Variants in PLS3 observed in about 807,000 individuals in gnomAD.
PLS3 encodes plastin-3.
In PLS3, 11 loss-of-function variants were observed where a neutral mutation model predicts 46.5. That is an observed-to-expected ratio of 0.24 (90% CI 0.15 to 0.39). The LOEUF is 0.39. Ranked by LOEUF, PLS3 falls within the 10% of genes least tolerant of loss-of-function variation. PLS3 has a pLI of 1.00. For synonymous variants in PLS3, 167 were observed against 162.2 expected (o/e 1.03, Z -0.22); for missense variants, 308 against 461.8 (o/e 0.67, Z 3.05).
chrX:115,605,245 T>C lies in PLS3; in HGVS notation c.-8-4998T>C, dbSNP rs782165405. Among the ~76,000 whole-genome samples, 5 of 112,004 alleles carry C rather than the reference T, an allele frequency of 4.5e-5. No homozygotes were observed. The East Asian group carries it at 1.4e-3, about 31-fold the overall frequency. ...TGCATGTTCCAATTCCTTCTTTTTGTTCTCATTGAAGTGTATCTCTTTAAT... is the reference window on the plus strand; with the variant it reads ...TGCATGTTCCAATTCCTTCTTTTTGCTCTCATTGAAGTGTATCTCTTTAAT... On this transcript the variant is annotated intron_variant, in intron 1 of 15. Coordinates refer to ENST00000355899, the MANE Select transcript of PLS3 (RefSeq NM_005032.7).
chrX:115,591,431 G>A (rs890577451), intron 1 of PLS3, among the ~76,000 whole-genome samples: 45 of 111,853 alleles, frequency 4.0e-4, no homozygotes, highest in African/African-American at 1.5e-3. Flanking sequence ...CTGTTATAAC[G>A]ACCTGTAAAA....
intron 9 of PLS3, 66 bp from the exon 10 acceptor site, chrX:115,643,247 C>A (rs2074916330): frequency 1.5e-6 from 1 of 670,334 alleles, no homozygotes; most frequent in Non-Finnish European, 2.4e-6. Context: ...CAGACTATGA[C>A]AGTGGGGAAA....
rs782387760 is a variant in PLS3, at chrX:115,648,739, T to G, written c.1761-690T>G. On this transcript the variant is annotated intron_variant, in intron 15 of 15. Transcript: ENST00000355899. ...CCTTGAAAAATATTTCTAGCAGATA[T>G]GACAAAGGTCTAATATCCACAATAT... 2.0e-4 allele frequency among the ~76,000 whole-genome samples: 23 copies of G among 112,208 alleles called. No individual in the cohort carries two copies. In the Admixed American group the frequency reaches 2.1e-3, roughly 10 times the overall value.
chrX:115,592,222 T>C (rs2074350355), intron 1 of PLS3, among the ~76,000 whole-genome samples: 1 of 111,902 alleles, frequency 8.9e-6, no homozygotes, highest in Non-Finnish European at 1.9e-5. Context: ...ATGAGGTAGA[T>C]TACAGCAGCA....
intron 7 of PLS3, 136 bp downstream of exon 7, chrX:115,635,182 T>C: frequency 4.1e-6 from 2 of 492,104 alleles, no homozygotes; most frequent in South Asian, 4.2e-5. Context: ...TATAGAGTTA[T>C]TCAGGAAAAT....
At chrX:115,649,147 A>G (rs2074980513) in intron 15 of PLS3, among the ~76,000 whole-genome samples, 1 of 111,803 alleles carries the variant, frequency 8.9e-6, no homozygotes, top group Non-Finnish European at 1.9e-5. Flanking sequence ...AATTATATAT[A>G]TAAAGTTGGT....
chrX:115,609,271 C>A (rs781817845), intron 1 of PLS3, among the ~76,000 whole-genome samples: 1 of 110,693 alleles, frequency 9.0e-6, no homozygotes, highest in Non-Finnish European at 1.9e-5. Flanking sequence ...CCAGGATCAG[C>A]AAAGTTTTTC....
At chrX:115,615,291 T>C (rs188801074) in intron 2 of PLS3, among the ~76,000 whole-genome samples, 2 of 110,903 alleles carry the variant, frequency 1.8e-5, no homozygotes, top group Admixed American at 9.7e-5. Flanking sequence ...GGAAAACATT[T>C]CCTTTTAAGG....
chrX:115,563,082 C>A (rs2074150086), intron 1 of PLS3, among the ~76,000 whole-genome samples: 1 of 111,317 alleles, frequency 9.0e-6, no homozygotes, highest in African/African-American at 3.3e-5. Flanking sequence ...GGGAAGTCAT[C>A]CTATTACTCA....
At chrX:115,626,506 A>T (rs1174663618) in intron 3 of PLS3, among the ~76,000 whole-genome samples, 1 of 109,702 alleles carries the variant, frequency 9.1e-6, no homozygotes, top group Non-Finnish European at 1.9e-5. Context: ...CTGGTCTCGA[A>T]CTCCCGACCT....
At chrX:115,594,853 A>T (rs1331975922) in intron 1 of PLS3, among the ~76,000 whole-genome samples, 2 of 111,205 alleles carry the variant, frequency 1.8e-5, no homozygotes, top group African/African-American at 6.5e-5. Context: ...TTTTGGGGGT[A>T]GATGTAAAAG....
chrX:115,575,949 G>A (rs1358886574), intron 1 of PLS3, among the ~76,000 whole-genome samples: 1 of 111,712 alleles, frequency 9.0e-6, no homozygotes, highest in Admixed American at 9.6e-5. Flanking sequence ...ACACTAAGGA[G>A]CAAAGGCAAG....
intron 8 of PLS3, chrX:115,640,113 A>G (rs1242906303): frequency 2.7e-6 from 3 of 1,125,698 alleles, no homozygotes; most frequent in African/African-American, 3.6e-5. Context: ...TGTCAAGCTT[A>G]TTGACTTCAG....
intron 8 of PLS3, 149 bp downstream of exon 8, chrX:115,637,127 C>T (rs1467518933): frequency 1.6e-5 from 8 of 499,499 alleles, no homozygotes; most frequent in African/African-American, 2.4e-5. Context: ...GTAATAGAGC[C>T]AGATAAGGTA....
chrX:115,573,677 T>G (rs1374313187), intron 1 of PLS3, among the ~76,000 whole-genome samples: 1 of 111,919 alleles, frequency 8.9e-6, no homozygotes, highest in Non-Finnish European at 1.9e-5. Flanking sequence ...CACCTTAATT[T>G]CCTGCCTTGA....
At position 115,643,407 on chromosome X, in the gene PLS3, G is replaced by A; in HGVS notation, c.1082G>A (p.Gly361Glu). The change falls in exon 10 of 16, where the codon GGA becomes GAA. Residue 361 changes from glycine to glutamate, a missense_variant. Physicochemically the swap from Gly to Glu is moderately conservative, Grantham distance 98. This residue lies in a region of PLS3 where 271 missense variants were observed against 435.7 expected (regional missense o/e 0.62). Transcript: ENST00000355899. ...QFVTPADVVS[G>E]NPKLNLAFVA... ...GTTACCCCTGCTGATGTTGTCAGTG[G>A]AAACCCCAAACTCAACTTAGCTTTC... 1 of 1,195,578 alleles carries A rather than the reference G, an allele frequency of 8.4e-7. No individual in the cohort carries two copies. Among genetic ancestry groups the A allele is most frequent in the Non-Finnish European group, 1.1e-6 (1 of 881,080 alleles).
At chrX:115,595,850 G>A (rs1021998497) in intron 1 of PLS3, among the ~76,000 whole-genome samples, 2 of 108,769 alleles carry the variant, frequency 1.8e-5, no homozygotes, top group African/African-American at 3.3e-5. Context: ...CACCACGCCC[G>A]GCTAATTTTT....
At chrX:115,631,643 G>A (rs1337394691) in intron 5 of PLS3, among the ~76,000 whole-genome samples, 1 of 111,078 alleles carries the variant, frequency 9.0e-6, no homozygotes, top group Admixed American at 9.7e-5. Context: ...TGAGGCAGGA[G>A]GATCACTTGA....
intron 1 of PLS3, among the ~76,000 whole-genome samples, chrX:115,589,955 T>A (rs2074333911): frequency 9.0e-6 from 1 of 110,947 alleles, no homozygotes; most frequent in African/African-American, 3.3e-5. Context: ...ACTTCTGGGG[T>A]TCAAGCTGTT....
Sources: gnomAD v4.1 joint callset for allele counts (sites outside exome capture counted in the v4.1 genomes callset) on GRCh38, gnomAD v4.1.1 for gene constraint, gnomAD v4.1.1 regional missense constraint, MANE v1.5 for transcripts, NCBI Gene and HGNC (gene_info 2026-07-23, HGNC 2026-07-21) for gene names.